NFASC: variants seen among roughly 807,000 people sequenced by gnomAD.
NFASC encodes neurofascin, also known as neurofascin homolog.
Under a neutral mutation model 147.5 loss-of-function variants are expected in NFASC, and 43 were observed. That is an observed-to-expected ratio of 0.29 (90% confidence interval 0.23 to 0.38). The LOEUF is 0.38. Among genes scored for constraint, NFASC ranks in the 10% least tolerant of loss-of-function variants. NFASC has a pLI of 1.00. For synonymous variants in NFASC, 622 were observed against 665.5 expected, an observed-to-expected ratio of 0.93 and a Z score of 1.01; for missense variants, 1,320 against 1,689.0, an observed-to-expected ratio of 0.78 and a Z score of 3.83.
intron 3 of NFASC, chr1:204,948,505 C>T (rs139747060): frequency 2.3e-5 from 11 of 472,898 alleles, no homozygotes; most frequent in African/African-American, 1.6e-4. Context: ...TCACCCTTCT[C>T]CAGAATGTCA....
In NFASC at chr1:204,920,730, A is replaced by C. The variant is rs966532117; in HGVS notation, c.-101A>C. ...GGTGTTGCAAGGAAGAGGCTGAATG[A>C]GGCAGAGAAGGTAAGCAGGACTTGG... On this transcript the variant is annotated 5_prime_UTR_variant, in exon 2 of 30. An upstream open reading frame in the 5' UTR loses its in-frame stop. Coordinates refer to ENST00000339876, the MANE Select transcript of NFASC (RefSeq NM_001005388.3). 3.9e-6 allele frequency: 5 copies of C among 1,286,476 alleles called. No individual in the cohort carries two copies. The highest frequency in any genetic ancestry group is 4.1e-6 in the Non-Finnish European group (4 of 985,898). 79.7% of individuals were successfully genotyped at this position (1,286,476 alleles called of 1,614,324 possible).
intron 1 of NFASC, among the ~76,000 whole-genome samples, chr1:204,865,658 A>G (rs1379166876): frequency 6.6e-6 from 1 of 152,198 alleles, no homozygotes; most frequent in African/African-American, 2.4e-5. Flanking sequence ...TCCCACTACA[A>G]CACTGATTTG....
At position 204,975,460 on chromosome 1, in the gene NFASC, C is replaced by T. The variant is rs368484218; in HGVS notation, c.1706+42C>T. On this transcript the variant is annotated intron_variant, in intron 15 of 29. Transcript: ENST00000339876. This position sits in a 1 kb window ranked among gnomAD's most constrained non-coding sequence, Gnocchi z 4.0. ...CCCCCTTCCTAGTGCTAGTTTGAGG[C>T]GCATTTTCTTTTCCCTTGCTGTTGG... 61 of 1,583,924 alleles carry T rather than the reference C, an allele frequency of 3.9e-5. No homozygotes were observed. Among genetic ancestry groups the T allele is most frequent in the South Asian group, 2.7e-4 (24 of 88,804 alleles).
intron 20 of NFASC, among the ~76,000 whole-genome samples, chr1:204,980,686 C>T (rs1197169102): frequency 6.6e-6 from 1 of 152,104 alleles, no homozygotes; most frequent in Non-Finnish European, 1.5e-5. Context: ...CAGGGTCCAC[C>T]GACTGCCAGT....
rs556742256 is a variant in NFASC, at chr1:204,946,067, C to G, written c.91+1661C>G. ...AGCAGACACCCCAAGCAGTCAGGCT[C>G]TCCAAAGCCCCACCTGTAGGGTAGA... On this transcript the variant is annotated intron_variant, in intron 3 of 29. Transcript: ENST00000339876. Among the ~76,000 whole-genome samples the G allele has an allele frequency of 3.3e-5, 5 of 152,332 alleles. No individual in the cohort carries two copies. The South Asian group carries it at 1.0e-3, about 32-fold the overall frequency.
intron 7 of NFASC, among the ~76,000 whole-genome samples, chr1:204,955,949 C>T (rs974535520): frequency 1.3e-5 from 2 of 152,220 alleles, no homozygotes; most frequent in Non-Finnish European, 2.9e-5. Flanking sequence ...TGCTCAATCA[C>T]TGTCTCTCTC....
chr1:204,907,909 A>C (rs1224937883), intron 1 of NFASC, among the ~76,000 whole-genome samples: 4 of 151,974 alleles, frequency 2.6e-5, no homozygotes, highest in Admixed American at 2.0e-4. Context: ...TAGTTTTTAG[A>C]ATCTATAATA....
intron 1 of NFASC, among the ~76,000 whole-genome samples, chr1:204,877,718 AT>A (rs1291453395): frequency 2.6e-5 from 4 of 152,270 alleles, no homozygotes; most frequent in Non-Finnish European, 4.4e-5. Context: ...ATTGGTGGAC[AT>A]TTGGGTTGTT....
At chr1:204,879,901 A>T (rs2079801415) in intron 1 of NFASC, among the ~76,000 whole-genome samples, 1 of 152,210 alleles carries the variant, frequency 6.6e-6, no homozygotes, top group South Asian at 2.1e-4. Flanking sequence ...GACCTTGCTC[A>T]GTGATCAGAT....
intron 25 of NFASC, chr1:204,998,784 C>T (rs960782617): frequency 6.6e-6 from 1 of 152,166 alleles, no homozygotes; most frequent in African/African-American, 2.4e-5. Context: ...AAAAGATGAA[C>T]CAAAAATGAA....
rs1439239264 is a variant in NFASC, at chr1:205,015,021, T to G, written c.3492-1287T>G. 6.6e-6 allele frequency among the ~76,000 whole-genome samples: 1 copy of G among 152,098 alleles called. No homozygotes were observed. Among genetic ancestry groups the G allele is most frequent in the East Asian group, 1.9e-4 (1 of 5,156 alleles). ...TCCCACGAATACAGTTAGGCTGTAT[T>G]CGTGGGGCAGCACTGTGGGGAGTGG... On this transcript the variant is annotated intron_variant, in intron 29 of 29. Transcript: ENST00000339876. This position sits in a 1 kb window ranked among gnomAD's most constrained non-coding sequence, Gnocchi z 4.0.
chr1:204,851,631 T>C (rs73077682), intron 1 of NFASC, among the ~76,000 whole-genome samples: 1,603 of 152,026 alleles, frequency 0.011, 31 homozygotes, highest in African/African-American at 0.036. Flanking sequence ...CCACACCAGG[T>C]CAAATCATGC....
chr1:204,893,609 C>G (rs2082807058), intron 1 of NFASC, among the ~76,000 whole-genome samples: 2 of 152,206 alleles, frequency 1.3e-5, no homozygotes. Flanking sequence ...TGTTCTTCAT[C>G]TTTTTGTTCC....
intron 1 of NFASC, among the ~76,000 whole-genome samples, chr1:204,869,956 G>A (rs2077452206): frequency 6.6e-6 from 1 of 152,128 alleles, no homozygotes; most frequent in Non-Finnish European, 1.5e-5. Flanking sequence ...CCCAGAAATG[G>A]AATTTATGCA....
intron 1 of NFASC, among the ~76,000 whole-genome samples, chr1:204,909,378 G>T (rs1046321815): frequency 6.6e-6 from 1 of 152,194 alleles, no homozygotes; most frequent in Admixed American, 6.5e-5. Flanking sequence ...TTTCATGTGC[G>T]TATTTGTTGT....
chr1:204,963,011 G>C (rs2094762039), intron 8 of NFASC, among the ~76,000 whole-genome samples: 1 of 152,176 alleles, frequency 6.6e-6, no homozygotes, highest in African/African-American at 2.4e-5. Flanking sequence ...TGGTGAGGCA[G>C]CTGGCCCCCA....
intron 21 of NFASC, among the ~76,000 whole-genome samples, chr1:204,982,400 A>C (rs1339426311): frequency 1.3e-5 from 2 of 152,168 alleles, no homozygotes; most frequent in Non-Finnish European, 2.9e-5. Context: ...ACCAAGAAAA[A>C]ACATCAGGAC....
rs764954163 is a variant in NFASC at position 204,974,252 on chromosome 1, C to G, written c.1353C>G (p.Asp451Glu). ...TTCTTTACAACCGGACGCGGCTGGA[C>G]TGCCCTTTCTTTGGGTCTCCCATCC... ...RVILYNRTRLDCPFFGSPIPT... is the reference protein window; with the variant it reads ...RVILYNRTRLECPFFGSPIPT... The change falls in exon 13 of 30, where the codon GAC (aspartate) becomes GAG (glutamate). Residue 451 changes from aspartate (D) to glutamate (E), a missense_variant. Physicochemically the swap from Asp to Glu is conservative, Grantham distance 45. Coordinates refer to ENST00000339876, the MANE Select transcript of NFASC (RefSeq NM_001005388.3). The G allele has an allele frequency of 6.2e-7, 1 of 1,614,156 alleles. No individual in the cohort carries two copies. The highest frequency in any genetic ancestry group is 1.7e-5 in the Admixed American group (1 of 60,028).
intron 3 of NFASC, chr1:204,944,724 C>T: frequency 3.0e-6 from 1 of 336,302 alleles, no homozygotes. Context: ...TTTCCCTCTG[C>T]TCACCTCTCC....
Sources: gnomAD v4.1 joint callset for allele counts (sites outside exome capture counted in the v4.1 genomes callset) on GRCh38, gnomAD v4.1.1 for gene constraint, Gnocchi (gnomAD v3.1) non-coding constraint, MANE v1.5 for transcripts, NCBI Gene and HGNC (gene_info 2026-07-23, HGNC 2026-07-21) for gene names.